The following CDYL2 variants were observed in gnomAD, a reference collection of about 807,000 sequenced individuals.
CDYL2 encodes chromodomain Y-like protein 2.
CDYL2 carries 23 observed loss-of-function variants against 49.4 expected under a neutral mutation model. The ratio of observed to expected loss-of-function variants is 0.47; its 90% CI spans 0.34 to 0.66. The LOEUF is 0.66. CDYL2 is among the 30% of genes least tolerant of loss of function. The pLI is 0.01. For synonymous variants in CDYL2, 360 were observed against 268.8 expected (o/e 1.34, Z -3.32); for missense variants, 678 against 656.4 (o/e 1.03, Z -0.36).
intron 1 of CDYL2, among the ~76,000 whole-genome samples, chr16:80,709,648 C>G (rs1424464264): frequency 6.6e-6 from 1 of 151,824 alleles, no homozygotes; most frequent in Non-Finnish European, 1.5e-5. Flanking sequence ...GTGTTCTGGA[C>G]CACACTTGTG....
At chr16:80,801,328 A>T (rs1281167679) in intron 1 of CDYL2, among the ~76,000 whole-genome samples, 1 of 152,236 alleles carries the variant, frequency 6.6e-6, no homozygotes, top group Non-Finnish European at 1.5e-5. Flanking sequence ...TTATTTCTTC[A>T]CTATGATTGA....
intron 2 of CDYL2, among the ~76,000 whole-genome samples, chr16:80,649,374 T>G (rs1428315537): frequency 6.6e-6 from 1 of 152,090 alleles, no homozygotes; most frequent in Non-Finnish European, 1.5e-5. Context: ...TAAAAAGTTA[T>G]CCCATTTACA....
chr16:80,749,880 T>C (rs1255492372), intron 1 of CDYL2, among the ~76,000 whole-genome samples: 2 of 152,128 alleles, frequency 1.3e-5, no homozygotes, highest in Admixed American at 6.5e-5. Context: ...ATGTGGCACA[T>C]AGACACCATG....
At chr16:80,686,941 C>T (rs1910219421) in intron 1 of CDYL2, among the ~76,000 whole-genome samples, 1 of 152,232 alleles carries the variant, frequency 6.6e-6, no homozygotes, top group African/African-American at 2.4e-5. Flanking sequence ...ATATAATACA[C>T]AAACTCTGTA....
intron 1 of CDYL2, among the ~76,000 whole-genome samples, chr16:80,754,546 T>C (rs1406222132): frequency 6.6e-6 from 1 of 151,986 alleles, no homozygotes; most frequent in African/African-American, 2.4e-5. Flanking sequence ...TGGTCAAGAG[T>C]AATACTGTAG....
chr16:80,664,389 G>A (rs1032937346), intron 2 of CDYL2, among the ~76,000 whole-genome samples: 5 of 152,134 alleles, frequency 3.3e-5, no homozygotes, highest in African/African-American at 4.8e-5. Flanking sequence ...CTCCCCAAGC[G>A]CCGGGAACAG....
At chr16:80,617,047 C>T (rs1364740564) in intron 4 of CDYL2, among the ~76,000 whole-genome samples, 3 of 152,182 alleles carry the variant, frequency 2.0e-5, no homozygotes, top group Non-Finnish European at 4.4e-5. Context: ...TTTGAACAAG[C>T]CACCTTGTCA....
At chr16:80,722,719 G>A (rs537114520) in intron 1 of CDYL2, among the ~76,000 whole-genome samples, 20 of 152,282 alleles carry the variant, frequency 1.3e-4, no homozygotes, top group Non-Finnish European at 2.5e-4. Context: ...AAGATACTGT[G>A]CTCCTTCTTT....
chr16:80,746,699 GT>G (rs1905943104), intron 1 of CDYL2, among the ~76,000 whole-genome samples: 1 of 152,164 alleles, frequency 6.6e-6, no homozygotes, highest in South Asian at 2.1e-4. Flanking sequence ...CCTTTTGCAG[GT>G]GTGAGGGTGT....
Position 80,649,907 on chromosome 16 carries a change from TCCATATTCAGAAGAATGAAACTAGGCC to T in CDYL2, c.617-16698_617-16672del, listed in dbSNP as rs527835117. Among the ~76,000 whole-genome samples, 1,511 of 152,124 alleles carry T rather than the reference TCCATATTCAGAAGAATGAAACTAGGCC, an allele frequency of 9.9e-3. 25 individuals carry two copies. Among genetic ancestry groups the T allele is most frequent in the African/African-American group, 0.035 (1,434 of 41,508 alleles). ...TAAATGGTGCTAGAAAAACTGAATA[TCCATATTCAGAAGAATGAAACTAGGCC>T]CCTATCCTATCTCCTGCCATATATA... On this transcript the variant is annotated intron_variant, in intron 2 of 6. Transcript: ENST00000570137.
At position 80,712,191 on chromosome 16, in the gene CDYL2, G is replaced by C. The variant is rs9673766; in HGVS notation, c.25-27062C>G. Among the ~76,000 whole-genome samples the C allele has an allele frequency of 3.7e-5, 4 of 107,934 alleles. No individual in the cohort carries two copies. In the East Asian group the frequency reaches 7.3e-4, roughly 20 times the overall value. 70.8% of individuals were successfully genotyped at this position (107,934 alleles called of 152,430 possible). On this transcript the variant is annotated intron_variant, in intron 1 of 6. Coordinates refer to ENST00000570137, the MANE Select transcript of CDYL2 (RefSeq NM_152342.4). ...TATATGTGTCTTTGTGTCTGTGTGTGTATATATATATATATATATATATAT... is the reference window on the plus strand; with the variant it reads ...TATATGTGTCTTTGTGTCTGTGTGTCTATATATATATATATATATATATAT...
chr16:80,745,655 G>A (rs896067715), intron 1 of CDYL2, among the ~76,000 whole-genome samples: 3 of 152,204 alleles, frequency 2.0e-5, no homozygotes, highest in Non-Finnish European at 4.4e-5. Context: ...CTACCACAAA[G>A]AGATGACAGT....
chr16:80,615,781 C>T (rs1170522974), intron 4 of CDYL2, among the ~76,000 whole-genome samples: 3 of 152,182 alleles, frequency 2.0e-5, no homozygotes, highest in Non-Finnish European at 4.4e-5. Context: ...GCCCCAGCCC[C>T]TCCTGTGTCA....
At chr16:80,757,407 G>A (rs939627911) in intron 1 of CDYL2, among the ~76,000 whole-genome samples, 8 of 151,824 alleles carry the variant, frequency 5.3e-5, no homozygotes, top group African/African-American at 1.7e-4. Context: ...GTGTGTAGCG[G>A]TGAATGCCTG....
rs889058353 is a variant in CDYL2 at position 80,677,915 on chromosome 16, A to T, written c.616+6623T>A. On this transcript the variant is annotated intron_variant, in intron 2 of 6. Transcript: ENST00000570137. ...ATGGTACTGGTACCAAAACAGAGAT[A>T]TAGATCAATGGAACAGAACAGAGCC... Among the ~76,000 whole-genome samples, 16 of 152,048 alleles carry T rather than the reference A, an allele frequency of 1.1e-4. No homozygotes were observed. In the South Asian group the frequency reaches 3.1e-3, roughly 30 times the overall value.
chr16:80,623,909 G>A (rs981739322), intron 3 of CDYL2, among the ~76,000 whole-genome samples: 1 of 152,168 alleles, frequency 6.6e-6, no homozygotes, highest in Non-Finnish European at 1.5e-5. Flanking sequence ...GTGATGCCCA[G>A]GGGAAAGCAG....
chr16:80,698,897 A>G (rs1458871730), intron 1 of CDYL2, among the ~76,000 whole-genome samples: 1 of 152,128 alleles, frequency 6.6e-6, no homozygotes, highest in Non-Finnish European at 1.5e-5. Context: ...ATGAACTAAT[A>G]CAATATGAAA....
intron 1 of CDYL2, among the ~76,000 whole-genome samples, chr16:80,751,907 C>T (rs908612499): frequency 6.6e-6 from 1 of 152,096 alleles, no homozygotes; most frequent in African/African-American, 2.4e-5. Context: ...TAAATTTTCT[C>T]AGGAGATGGG....
intron 5 of CDYL2, among the ~76,000 whole-genome samples, chr16:80,610,970 A>G (rs955712764): frequency 1.3e-5 from 2 of 152,120 alleles, no homozygotes; most frequent in African/African-American, 2.4e-5. Context: ...CGCCACTGCC[A>G]TGGCCTCATC....
Sources: allele counts gnomAD v4.1 joint callset (sites outside exome capture counted in the v4.1 genomes callset), GRCh38; gene constraint gnomAD v4.1.1; transcripts MANE v1.5; gene names NCBI Gene and HGNC (gene_info 2026-07-23, HGNC 2026-07-21).